The following APPL1 variants were observed in gnomAD, a reference collection of about 807,000 sequenced individuals.
APPL1 encodes the protein DCC-interacting protein 13-alpha.
Under a neutral mutation model 106.8 loss-of-function variants are expected in APPL1, and 42 were observed. The ratio of observed to expected loss-of-function variants is 0.39; its 90% CI spans 0.31 to 0.51. The LOEUF is 0.51. Ranked by LOEUF, APPL1 falls within the 20% of genes least tolerant of loss-of-function variation. The probability of loss-of-function intolerance (pLI) is 0.75; values close to 1 mark genes in which losing one functional copy is unlikely to be tolerated. For synonymous variants in APPL1, 263 were observed against 281.8 expected, an observed-to-expected ratio of 0.93 and a Z score of 0.67; for missense variants, 769 against 858.2, an observed-to-expected ratio of 0.90 and a Z score of 1.30.
Position 57,273,456 on chromosome 3 carries a change from G to A in APPL1, c.*3769G>A, listed in dbSNP as rs1559518772. On this transcript the variant is annotated 3_prime_UTR_variant, in exon 22 of 22. Transcript: ENST00000288266. ...TAATAAAGTCCATGATTTTTGTACA[G>A]TGTTTTTTAATGAAATATTTGATAC... is the stretch of plus-strand genomic sequence containing the variant. 1 of 152,554 alleles carries A rather than the reference G, an allele frequency of 6.6e-6. No homozygotes were observed. The highest frequency in any genetic ancestry group is 2.4e-5 in the African/African-American group (1 of 41,440). 9.5% of individuals were successfully genotyped at this position (152,554 alleles called of 1,614,324 possible).
At chr3:57,252,381 A>G in intron 12 of APPL1, 70 bp downstream of exon 12, 1 of 1,139,804 alleles carries the variant, frequency 8.8e-7, no homozygotes, top group Non-Finnish European at 1.3e-6. Flanking sequence ...AACATATATT[A>G]ATGTGTTCAT....
Position 57,235,671 on chromosome 3 carries a change from C to G in APPL1, c.153+7C>G. 1 of 1,597,362 alleles carries G rather than the reference C, an allele frequency of 6.3e-7. No individual in the cohort carries two copies. Among genetic ancestry groups the G allele is most frequent in the Non-Finnish European group, 8.6e-7 (1 of 1,166,172 alleles). On this transcript the variant is annotated splice_region_variant and intron_variant, in intron 2 of 21. Coordinates refer to ENST00000288266, the MANE Select transcript of APPL1 (RefSeq NM_012096.3). ...TCGGATTTATGATGCACAGGTAAAA[C>G]ACTAAGGACTAACTTGATGCTTTTA... is the stretch of plus-strand genomic sequence containing the variant.
At chr3:57,245,548 G>GTTT (rs1003933764) in intron 7 of APPL1, among the ~76,000 whole-genome samples, 1 of 134,430 alleles carries the variant, frequency 7.4e-6, no homozygotes, top group African/African-American at 3.7e-5. Context: ...TCAATATGCA[G>GTTT]TTTTTTTTTT....
chr3:57,258,926 CT>C (rs373692009), intron 15 of APPL1, 101 bp from the exon 16 acceptor site: 46,972 of 662,238 alleles, frequency 0.071, no homozygotes, highest in South Asian at 0.1. Context: ...CATTTTAGAG[CT>C]TTTTTTTTTT....
intron 19 of APPL1, among the ~76,000 whole-genome samples, chr3:57,263,780 CCATT>C (rs2060880601): frequency 3.1e-5 from 4 of 128,436 alleles, no homozygotes; most frequent in Non-Finnish European, 6.7e-5. Flanking sequence ...TTTTTTTTTT[CCATT>C]CATCTGTTGA....
chr3:57,244,733 T>C (rs2060764041), intron 7 of APPL1, among the ~76,000 whole-genome samples: 1 of 152,106 alleles, frequency 6.6e-6, no homozygotes, highest in East Asian at 1.9e-4. Flanking sequence ...GGATTCTAAG[T>C]AGGTGAATAA....
At chr3:57,255,052 A>G (rs2107606160) in intron 13 of APPL1, among the ~76,000 whole-genome samples, 1 of 152,326 alleles carries the variant, frequency 6.6e-6, no homozygotes, top group Non-Finnish European at 1.5e-5. Flanking sequence ...CAGTTTTGCA[A>G]ATTATATTTT....
At chr3:57,229,016 T>C (rs901195233) in intron 1 of APPL1, among the ~76,000 whole-genome samples, 2 of 152,240 alleles carry the variant, frequency 1.3e-5, no homozygotes, top group African/African-American at 2.4e-5. Flanking sequence ...CAAGTTGAAA[T>C]GGGGCTCTGA....
chr3:57,268,285 T>TA (rs1427174113), intron 20 of APPL1, 113 bp from the exon 21 acceptor site: 9 of 1,093,676 alleles, frequency 8.2e-6, no homozygotes, highest in Middle Eastern at 6.3e-4. Flanking sequence ...TGTGCTTTCT[T>TA]ATGTATAAAT....
At position 57,249,428 on chromosome 3, in the gene APPL1, G is replaced by A; in HGVS notation, c.932G>A (p.Ser311Asn). 6.2e-7 allele frequency: 1 copy of A among 1,614,176 alleles called. No individual in the cohort carries two copies. Among genetic ancestry groups the A allele is most frequent in the Non-Finnish European group, 8.5e-7 (1 of 1,180,032 alleles). The change falls in exon 11 of 22, where the codon AGT becomes AAT. Residue 311 changes from serine to asparagine, a missense_variant. Transcript: ENST00000288266. Reference protein sequence around the residue: ...FYFTQGGNLMSQARGDVAGGL... With the variant: ...FYFTQGGNLMNQARGDVAGGL... ...TTCACGCAGGGTGGAAATTTAATGAGTCAGGCCCGTGGGGATGTAGCAGGA... is the reference window on the plus strand; with the variant it reads ...TTCACGCAGGGTGGAAATTTAATGAATCAGGCCCGTGGGGATGTAGCAGGA...
chr3:57,268,288 G>T, intron 20 of APPL1, 110 bp from the exon 21 acceptor site: 1 of 1,136,782 alleles, frequency 8.8e-7, no homozygotes, highest in South Asian at 1.8e-5. Flanking sequence ...GCTTTCTTAT[G>T]TATAAATGCA....
intron 20 of APPL1, chr3:57,268,140 C>A (rs1271477709): frequency 3.9e-5 from 18 of 464,454 alleles, no homozygotes; most frequent in Non-Finnish European, 6.1e-5. Flanking sequence ...AGAATGTTAA[C>A]TAAAATAGTA....
At chr3:57,254,421 A>T (rs1342768423) in intron 13 of APPL1, among the ~76,000 whole-genome samples, 3 of 152,234 alleles carry the variant, frequency 2.0e-5, no homozygotes, top group African/African-American at 7.2e-5. Context: ...CTGAAAGCAT[A>T]TGGCGATGAC....
Position 57,228,146 on chromosome 3 carries a change from G to A in APPL1, c.54+209G>A, listed in dbSNP as rs1390888081. ...GTGGGCCTGCTCGGCTGGGCCGAGG[G>A]CCGCAGGCGGAGACCGAGCCGCTGG... On this transcript the variant is annotated intron_variant, in intron 1 of 21. Transcript: ENST00000288266. The surrounding 1 kb of genome is among the most constrained non-coding windows in gnomAD (Gnocchi z 4.6). Among the ~76,000 whole-genome samples, 1 of 151,992 alleles carries A rather than the reference G, an allele frequency of 6.6e-6. No individual in the cohort carries two copies. The highest frequency in any genetic ancestry group is 1.5e-5 in the Non-Finnish European group (1 of 67,952).
At chr3:57,246,318 C>A in intron 8 of APPL1, 96 bp downstream of exon 8, 1 of 906,804 alleles carries the variant, frequency 1.1e-6, no homozygotes, top group Non-Finnish European at 1.5e-6. Context: ...AAACTATTTT[C>A]AACATCCTTG....
intron 1 of APPL1, among the ~76,000 whole-genome samples, chr3:57,233,318 A>G (rs758646921): frequency 6.6e-6 from 1 of 152,226 alleles, no homozygotes; most frequent in Non-Finnish European, 1.5e-5. Context: ...TTTTTAAGCT[A>G]CTAACTTTAA....
chr3:57,265,868 T>C (rs1333550249), intron 19 of APPL1, among the ~76,000 whole-genome samples: 2 of 152,234 alleles, frequency 1.3e-5, no homozygotes, highest in African/African-American at 4.8e-5. Flanking sequence ...CTATATTCCT[T>C]CTATACCAAG....
At chr3:57,247,597 G>A in intron 9 of APPL1, 120 bp downstream of exon 9, 1 of 653,692 alleles carries the variant, frequency 1.5e-6, no homozygotes, top group Admixed American at 3.3e-5. Flanking sequence ...TGCCATGAGA[G>A]TTTCTTATGT....
At chr3:57,255,833 T>A (rs935043648) in intron 13 of APPL1, among the ~76,000 whole-genome samples, 1 of 152,170 alleles carries the variant, frequency 6.6e-6, no homozygotes, top group African/African-American at 2.4e-5. Flanking sequence ...TTTTATCATT[T>A]AGGTCATACA....
Sources: gnomAD v4.1 joint callset for allele counts (sites outside exome capture counted in the v4.1 genomes callset) on GRCh38, gnomAD v4.1.1 for gene constraint, Gnocchi (gnomAD v3.1) non-coding constraint, MANE v1.5 for transcripts, NCBI Gene and HGNC (gene_info 2026-07-23, HGNC 2026-07-21) for gene names.